PTPRG: variants seen among roughly 807,000 people sequenced by gnomAD.
PTPRG encodes receptor-type tyrosine-protein phosphatase gamma.
In PTPRG, 102 loss-of-function variants were observed where a neutral mutation model predicts 165.3. The ratio of observed to expected loss-of-function variants is 0.62; its 90% CI spans 0.53 to 0.73. PTPRG has a LOEUF of 0.73. Among genes scored for constraint, PTPRG ranks in the 30% least tolerant of loss-of-function variants. The pLI is 0.00. For synonymous variants in PTPRG, 675 were observed against 669.5 expected (o/e 1.01, Z -0.13); for missense variants, 1,866 against 1,861.4 (o/e 1.00, Z -0.05).
At chr3:61,982,974 C>A (rs2040675406) in intron 2 of PTPRG, among the ~76,000 whole-genome samples, 1 of 152,150 alleles carries the variant, frequency 6.6e-6, no homozygotes, top group Non-Finnish European at 1.5e-5. Context: ...TGGAGTACTG[C>A]AGTTTTTACA....
chr3:61,898,476 A>G (rs2038418237), intron 2 of PTPRG, among the ~76,000 whole-genome samples: 1 of 152,094 alleles, frequency 6.6e-6, no homozygotes, highest in Non-Finnish European at 1.5e-5. Context: ...TTGTATCTCT[A>G]GAGGTTATGC....
chr3:61,644,668 A>C (rs1702155270), intron 1 of PTPRG, among the ~76,000 whole-genome samples: 1 of 152,212 alleles, frequency 6.6e-6, no homozygotes, highest in Admixed American at 6.5e-5. Context: ...ATTGAGTTAG[A>C]AAGCCTGGAT....
chr3:62,013,580 G>T (rs1424438853), intron 4 of PTPRG, among the ~76,000 whole-genome samples: 1 of 152,166 alleles, frequency 6.6e-6, no homozygotes. Flanking sequence ...TGCTCTTGCA[G>T]CAGGGCTTGG....
intron 1 of PTPRG, among the ~76,000 whole-genome samples, chr3:61,651,637 G>T (rs1002105725): frequency 7.9e-5 from 12 of 152,166 alleles, no homozygotes; most frequent in Non-Finnish European, 5.9e-5. Flanking sequence ...TACTTTGTAG[G>T]CCACCAGTGA....
At chr3:62,185,141 C>A (rs1260653163) in intron 8 of PTPRG, among the ~76,000 whole-genome samples, 1 of 151,998 alleles carries the variant, frequency 6.6e-6, no homozygotes, top group Non-Finnish European at 1.5e-5. Flanking sequence ...TTAAGGAAGC[C>A]TGGGATCATA....
At chr3:62,119,845 A>G (rs981901316) in intron 5 of PTPRG, among the ~76,000 whole-genome samples, 176 of 138,776 alleles carry the variant, frequency 1.3e-3, no homozygotes, top group African/African-American at 4.4e-3. Context: ...CATGTTGGCC[A>G]GGATGGTCTC....
chr3:61,614,546 A>C (rs976385485), intron 1 of PTPRG, among the ~76,000 whole-genome samples: 9 of 145,726 alleles, frequency 6.2e-5, no homozygotes, highest in African/African-American at 2.3e-4. Flanking sequence ...AGTAGTTGGG[A>C]CCACAGGTGT....
At chr3:62,293,101 A>C (rs1702957837) in intron 29 of PTPRG, 60 bp from the exon 30 acceptor site, 1 of 1,367,578 alleles carries the variant, frequency 7.3e-7, no homozygotes. Flanking sequence ...TGGTATTTCC[A>C]CCTTATGTGA....
chr3:61,876,477 A>G (rs1012740172), intron 2 of PTPRG, among the ~76,000 whole-genome samples: 1 of 152,238 alleles, frequency 6.6e-6, no homozygotes, highest in Non-Finnish European at 1.5e-5. Flanking sequence ...CACAGTCAAC[A>G]TTTGGGGAAG....
At chr3:62,156,532 G>C (rs1287156321) in intron 6 of PTPRG, among the ~76,000 whole-genome samples, 5 of 152,106 alleles carry the variant, frequency 3.3e-5, no homozygotes, top group Admixed American at 3.3e-4. Flanking sequence ...AGAGGACTTG[G>C]GTGAAACCAT....
At position 62,229,991 on chromosome 3, in the gene PTPRG, A is replaced by G. The variant is rs1281633335; in HGVS notation, c.2289-1234A>G. On this transcript the variant is annotated intron_variant, in intron 13 of 29. Coordinates refer to ENST00000474889, the MANE Select transcript of PTPRG (RefSeq NM_002841.4). The surrounding 1 kb of genome is among the most constrained non-coding windows in gnomAD (Gnocchi z 4.6). ...TTATGAGAATTTGTAAAAACATTCCAACACACTCATGATTTCTTCAGATTA... is the reference window on the plus strand; with the variant it reads ...TTATGAGAATTTGTAAAAACATTCCGACACACTCATGATTTCTTCAGATTA... Among the ~76,000 whole-genome samples, 1 of 152,240 alleles carries G rather than the reference A, an allele frequency of 6.6e-6. No individual in the cohort carries two copies. Among genetic ancestry groups the G allele is most frequent in the African/African-American group, 2.4e-5 (1 of 41,468 alleles).
At chr3:61,984,610 T>G (rs2040713433) in intron 2 of PTPRG, among the ~76,000 whole-genome samples, 1 of 152,232 alleles carries the variant, frequency 6.6e-6, no homozygotes, top group Non-Finnish European at 1.5e-5. Flanking sequence ...TTTCTTCATT[T>G]CATTGTCAGA....
intron 5 of PTPRG, among the ~76,000 whole-genome samples, chr3:62,088,600 T>G (rs969099106): frequency 3.9e-5 from 6 of 152,222 alleles, no homozygotes; most frequent in African/African-American, 1.4e-4. Context: ...GGTATTTGTT[T>G]GCAGACACTG....
chr3:62,243,293 C>T (rs1284980793), intron 14 of PTPRG, among the ~76,000 whole-genome samples: 1 of 152,084 alleles, frequency 6.6e-6, no homozygotes, highest in Non-Finnish European at 1.5e-5. Context: ...TGCTTGCCTT[C>T]CTGAAGCCCT....
At chr3:62,054,739 T>A (rs912031124) in intron 4 of PTPRG, among the ~76,000 whole-genome samples, 4 of 152,242 alleles carry the variant, frequency 2.6e-5, no homozygotes, top group African/African-American at 9.6e-5. Flanking sequence ...TATTTTGCAG[T>A]CTTAAAAGAA....
intron 2 of PTPRG, among the ~76,000 whole-genome samples, chr3:61,849,916 G>C (rs1301986839): frequency 6.6e-6 from 1 of 152,008 alleles, no homozygotes; most frequent in Non-Finnish European, 1.5e-5. Context: ...AATTTTTAAG[G>C]CTACTTTATT....
At chr3:61,918,506 C>T (rs2038997544) in intron 2 of PTPRG, among the ~76,000 whole-genome samples, 2 of 152,136 alleles carry the variant, frequency 1.3e-5, no homozygotes, top group South Asian at 4.2e-4. Flanking sequence ...TTTGGAGCCA[C>T]ATGTAAAAAT....
chr3:61,763,689 G>A (rs2033929856), intron 2 of PTPRG, among the ~76,000 whole-genome samples: 2 of 152,108 alleles, frequency 1.3e-5, no homozygotes, highest in African/African-American at 4.8e-5. Flanking sequence ...GGTTTTAAAG[G>A]CTAACAACCC....
At chr3:62,059,750 G>C (rs1296839500) in intron 4 of PTPRG, among the ~76,000 whole-genome samples, 2 of 152,138 alleles carry the variant, frequency 1.3e-5, no homozygotes, top group Non-Finnish European at 2.9e-5. Context: ...GAGGAACCTA[G>C]TAGGAGGTAG....
Sources: gnomAD v4.1 joint callset for allele counts (sites outside exome capture counted in the v4.1 genomes callset) on GRCh38, gnomAD v4.1.1 for gene constraint, Gnocchi (gnomAD v3.1) non-coding constraint, MANE v1.5 for transcripts, NCBI Gene and HGNC (gene_info 2026-07-23, HGNC 2026-07-21) for gene names.